Variants in PLEKHA8 observed in about 807,000 individuals in gnomAD.
PLEKHA8 encodes pleckstrin homology domain containing A8.
Under a neutral mutation model 68.2 loss-of-function variants are expected in PLEKHA8, and 36 were observed. That is an observed-to-expected ratio of 0.53 (90% CI 0.40 to 0.70). PLEKHA8 has a LOEUF of 0.70. Ranked by LOEUF, PLEKHA8 falls within the 30% of genes least tolerant of loss-of-function variation. The pLI, the probability that PLEKHA8 is intolerant of heterozygous loss-of-function variation, is 0.00. For synonymous variants in PLEKHA8, 211 were observed against 216.1 expected (o/e 0.98, Z 0.20); for missense variants, 505 against 615.4 (o/e 0.82, Z 1.90).
chr7:30,063,348 A>G (rs1177931425), intron 12 of PLEKHA8, among the ~76,000 whole-genome samples: 1 of 152,162 alleles, frequency 6.6e-6, no homozygotes, highest in Non-Finnish European at 1.5e-5. Context: ...AGATGGATGG[A>G]TGTGTGGATA....
chr7:30,066,689 G>A (rs976064787), intron 12 of PLEKHA8, among the ~76,000 whole-genome samples: 1 of 152,152 alleles, frequency 6.6e-6, no homozygotes. Context: ...AAGTTGCTCT[G>A]GCATTTCATG....
chr7:30,067,489 A>T (rs181328078), intron 12 of PLEKHA8, among the ~76,000 whole-genome samples: 2 of 152,280 alleles, frequency 1.3e-5, no homozygotes, highest in Admixed American at 1.3e-4. Context: ...AATTATAAAT[A>T]ATTTAGGCAT....
exon 13 of PLEKHA8, chr7:30,090,260 C>G: frequency 6.7e-7 from 1 of 1,486,114 alleles, no homozygotes; most frequent in Non-Finnish European, 9.1e-7. Flanking sequence ...AGCAAGTCAC[C>G]AAGGGACCTC....
In PLEKHA8 at chr7:30,080,932, A is replaced by C; in HGVS notation, c.*2145A>C. 1 of 985,394 alleles carries C rather than the reference A, an allele frequency of 1.0e-6. No individual in the cohort carries two copies. Among genetic ancestry groups the C allele is most frequent in the Non-Finnish European group, 1.2e-6 (1 of 829,920 alleles). 61.0% of individuals were successfully genotyped at this position (985,394 alleles called of 1,614,324 possible). A position where few individuals can be genotyped will look rare whatever the true frequency, so the allele number is the denominator to read the frequency against. On this transcript the variant is annotated 3_prime_UTR_variant, in exon 14 of 14. Transcript: ENST00000449726. ...GGGATGATACCAGGTGGTTGTTAGA[A>C]TTGTGCAGTGTGATCATTCTAAACA... is the stretch of plus-strand genomic sequence containing the variant.
At position 30,074,891 on chromosome 7, in the gene PLEKHA8, A is replaced by T. The variant is rs78001416; in HGVS notation, c.1362+759A>T. On this transcript the variant is annotated intron_variant, in intron 13 of 13. Transcript: ENST00000449726. The stretch of plus-strand genomic sequence containing the variant: ...CCTGAGACTCTTAGTCTCCTGGGGA[A>T]GTCACTTAGACTGCTTTATAAAATA... 8.5e-3 allele frequency among the ~76,000 whole-genome samples: 1,295 copies of T among 152,314 alleles called. 21 individuals are homozygous for T. The highest frequency in any genetic ancestry group is 0.03 in the African/African-American group (1,248 of 41,568).
At chr7:30,093,962 G>C (rs1224855284), downstream of PLEKHA8, among the ~76,000 whole-genome samples, 1 of 152,204 alleles carries the variant, frequency 6.6e-6, no homozygotes, top group East Asian at 1.9e-4. Context: ...GACTGAGATG[G>C]TGTTGTTATG....
chr7:30,116,209 T>G (rs1411620873), intron 13 of PLEKHA8, among the ~76,000 whole-genome samples: 1 of 151,530 alleles, frequency 6.6e-6, no homozygotes, highest in African/African-American at 2.4e-5. Context: ...CGTATACATG[T>G]ATACATATGT....
chr7:30,057,242 G>T (rs1271804849), intron 9 of PLEKHA8, among the ~76,000 whole-genome samples: 1 of 151,990 alleles, frequency 6.6e-6, no homozygotes, highest in African/African-American at 2.4e-5. Context: ...GTCACCATAG[G>T]TTAGTTCTGC....
At chr7:30,106,852 G>A (rs1796077354) in intron 13 of PLEKHA8, among the ~76,000 whole-genome samples, 1 of 152,170 alleles carries the variant, frequency 6.6e-6, no homozygotes, top group Admixed American at 6.5e-5. Flanking sequence ...AAATGTACGG[G>A]AGGATGCGCA....
At chr7:30,057,472 T>C (rs1001727955) in intron 9 of PLEKHA8, among the ~76,000 whole-genome samples, 3 of 151,814 alleles carry the variant, frequency 2.0e-5, no homozygotes, top group African/African-American at 7.3e-5. Flanking sequence ...TTTTTTTTTT[T>C]CTTGAGACAG....
At chr7:30,094,676 TC>T (rs1795538187), downstream of PLEKHA8, among the ~76,000 whole-genome samples, 1 of 63,370 alleles carries the variant, frequency 1.6e-5, no homozygotes, top group African/African-American at 6.4e-5. Context: ...ACCTCCCCCC[TC>T]CCCCCACCCC....
rs1794751737 is a variant in PLEKHA8, at chr7:30,078,521, G to A, written c.1363-69G>A. The stretch of plus-strand genomic sequence containing the variant: ...TGTGAAAGTATGTGTGTGTGCATGT[G>A]CACATGCATAAAAATAAGAGTGTGA... On this transcript the variant is annotated intron_variant, in intron 13 of 13. Transcript: ENST00000449726. The A allele has an allele frequency of 2.9e-5, 44 of 1,514,126 alleles. 2 individuals are homozygous for A. The South Asian group carries it at 4.5e-4, about 16-fold the overall frequency. 93.8% of individuals were successfully genotyped at this position (1,514,126 alleles called of 1,614,324 possible).
chr7:30,061,468 C>T (rs1264323278), intron 10 of PLEKHA8, among the ~76,000 whole-genome samples: 2 of 152,074 alleles, frequency 1.3e-5, no homozygotes, highest in South Asian at 2.1e-4. Context: ...ATACAGTGCC[C>T]AATAAAAATC....
At chr7:30,088,162 T>C (rs551729907), downstream of PLEKHA8, among the ~76,000 whole-genome samples, 1 of 152,370 alleles carries the variant, frequency 6.6e-6, no homozygotes, top group South Asian at 2.1e-4. Context: ...CCTGCTCCCT[T>C]GGCTGCTCAG....
intron 13 of PLEKHA8, among the ~76,000 whole-genome samples, chr7:30,115,200 C>T (rs1405545939): frequency 1.3e-5 from 2 of 152,066 alleles, no homozygotes; most frequent in Non-Finnish European, 2.9e-5. Flanking sequence ...GGCAGTATGG[C>T]AGGAGAGTTT....
downstream of PLEKHA8, among the ~76,000 whole-genome samples, chr7:30,086,784 ACT>A (rs1180050687): frequency 2.0e-5 from 3 of 151,920 alleles, no homozygotes; most frequent in African/African-American, 7.3e-5. Context: ...TTTTTCTTTC[ACT>A]CTTGTTGGTA....
At chr7:30,067,984 A>C (rs760952377) in intron 12 of PLEKHA8, among the ~76,000 whole-genome samples, 1 of 152,252 alleles carries the variant, frequency 6.6e-6, no homozygotes. Flanking sequence ...TCCAGACAGC[A>C]CACCAGAAAA....
chr7:30,106,933 C>T (rs1308057141), intron 13 of PLEKHA8, among the ~76,000 whole-genome samples: 2 of 152,150 alleles, frequency 1.3e-5, no homozygotes, highest in Non-Finnish European at 2.9e-5. Context: ...TGATACCTGC[C>T]AGGGTCCTGG....
intron 12 of PLEKHA8, among the ~76,000 whole-genome samples, chr7:30,070,671 G>A (rs767995466): frequency 7.3e-5 from 11 of 151,064 alleles, no homozygotes; most frequent in South Asian, 2.1e-4. Context: ...TCAGTCTCCC[G>A]AGTAGCTGGG....
Sources: gnomAD v4.1 joint callset for allele counts (sites outside exome capture counted in the v4.1 genomes callset) on GRCh38, gnomAD v4.1.1 for gene constraint, MANE v1.5 for transcripts, NCBI Gene and HGNC (gene_info 2026-07-23, HGNC 2026-07-21) for gene names.